The following FNBP1 variants were observed in gnomAD, a reference collection of about 807,000 sequenced individuals.
FNBP1 encodes formin binding protein 1.
A neutral mutation model predicts 90.6 loss-of-function variants in FNBP1; 26 were observed. The ratio of observed to expected loss-of-function variants is 0.29; its 90% confidence interval spans 0.21 to 0.40. FNBP1 has a LOEUF of 0.40. Among genes scored for constraint, FNBP1 ranks in the 10% least tolerant of loss-of-function variants. The pLI, the probability that FNBP1 is intolerant of heterozygous loss-of-function variation, is 1.00. For synonymous variants in FNBP1, 260 were observed against 265.2 expected (o/e 0.98, Z 0.19); for missense variants, 635 against 768.0 (o/e 0.83, Z 2.05).
At chr9:130,017,799 C>T (rs555197237) in intron 1 of FNBP1, among the ~76,000 whole-genome samples, 51 of 150,246 alleles carry the variant, frequency 3.4e-4, no homozygotes, top group African/African-American at 1.2e-3. Flanking sequence ...TACTGCACTC[C>T]AGCCCGGGTG....
rs578057349 is a variant in FNBP1 at position 129,991,805 on chromosome 9, G to A, written c.140+3038C>T. On this transcript the variant is annotated intron_variant, in intron 2 of 16. Transcript: ENST00000446176. ...CTCCCAAGTAGCTGGGACTACAGGCGCCCGCCACCATTTCCAGCTAATTTT... is the reference window on the plus strand; with the variant it reads ...CTCCCAAGTAGCTGGGACTACAGGCACCCGCCACCATTTCCAGCTAATTTT... Among the ~76,000 whole-genome samples the A allele has an allele frequency of 1.1e-4, 17 of 151,762 alleles. No individual in the cohort carries two copies. The East Asian group carries it at 1.2e-3, about 10-fold the overall frequency.
intron 1 of FNBP1, among the ~76,000 whole-genome samples, chr9:130,036,386 T>C (rs1034995915): frequency 1.3e-5 from 2 of 152,210 alleles, no homozygotes; most frequent in Admixed American, 6.5e-5. Context: ...TGTGTTCACA[T>C]AGTAAGTATA....
At chr9:129,941,078 C>T (rs2044248575) in intron 6 of FNBP1, among the ~76,000 whole-genome samples, 2 of 152,100 alleles carry the variant, frequency 1.3e-5, no homozygotes, top group Non-Finnish European at 2.9e-5. Context: ...AAAATATCTA[C>T]AAAGAAATGC....
At chr9:129,922,344 C>T (rs1251918674) in intron 10 of FNBP1, among the ~76,000 whole-genome samples, 4 of 152,166 alleles carry the variant, frequency 2.6e-5, no homozygotes, top group East Asian at 1.9e-4. Flanking sequence ...ATGAGGACAG[C>T]GGACTTCAAT....
chr9:129,965,817 GAGGAAGGAAGGA>G (rs1190159718), intron 4 of FNBP1, among the ~76,000 whole-genome samples: 15 of 99,444 alleles, frequency 1.5e-4, no homozygotes, highest in African/African-American at 5.7e-4. Flanking sequence ...GGGAGGGAGG[GAGGAAGGAAGGA>G]AGGAAGGAAG....
intron 1 of FNBP1, among the ~76,000 whole-genome samples, chr9:129,998,965 A>T (rs4837446): frequency 0.85 from 129,777 of 152,202 alleles, 55,617 homozygotes; most frequent in East Asian, 0.89. Context: ...CTTGTTTGTG[A>T]CTATAGCAGA....
chr9:130,018,499 A>G (rs1022040244), intron 1 of FNBP1, among the ~76,000 whole-genome samples: 2 of 152,160 alleles, frequency 1.3e-5, no homozygotes, highest in African/African-American at 4.8e-5. Flanking sequence ...CTTCCTTGCA[A>G]TAAAAGACTT....
At chr9:129,984,159 C>T (rs2051756037) in intron 2 of FNBP1, among the ~76,000 whole-genome samples, 1 of 151,548 alleles carries the variant, frequency 6.6e-6, no homozygotes, top group African/African-American at 2.4e-5. Context: ...TAAAGCTCAC[C>T]ACAAGATTTC....
rs756057004 is a variant in FNBP1, at chr9:129,890,503, C to A, written c.*36G>T. On this transcript the variant is annotated 3_prime_UTR_variant, in exon 17 of 17. Coordinates refer to ENST00000446176, the MANE Select transcript of FNBP1 (RefSeq NM_015033.3). The surrounding 1 kb of genome is among the most constrained non-coding windows in gnomAD (Gnocchi z 5.8). ...GGGAACAAGCAGACGGAGGCTCCTC[C>A]AGGAAGGCTCACCCGAGGCTCGCAG... 168 of 1,572,824 alleles carry A rather than the reference C, an allele frequency of 1.1e-4. No homozygotes were observed. Among genetic ancestry groups the A allele is most frequent in the Non-Finnish European group, 1.4e-4 (165 of 1,157,170 alleles).
At position 130,041,018 on chromosome 9, in the gene FNBP1, T is replaced by A. The variant is rs1234160124; in HGVS notation, c.24+1934A>T. Among the ~76,000 whole-genome samples the A allele has an allele frequency of 6.6e-6, 1 of 150,748 alleles. No individual in the cohort carries two copies. The highest frequency in any genetic ancestry group is 1.5e-5 in the Non-Finnish European group (1 of 67,718). On this transcript the variant is annotated intron_variant, in intron 1 of 16. Coordinates refer to ENST00000446176, the MANE Select transcript of FNBP1 (RefSeq NM_015033.3). This position sits in a 1 kb window ranked among gnomAD's most constrained non-coding sequence, Gnocchi z 4.3. ...TTTTTTCTTTTCTTTTTTTTTTTTT[T>A]AAGAGGAGGCCTCTCCAGATATTCC...
intron 1 of FNBP1, chr9:130,013,974 C>G (rs2056933644): frequency 2.2e-6 from 1 of 455,596 alleles, no homozygotes; most frequent in Admixed American, 2.4e-5. Context: ...TTATAAATTA[C>G]CCAGGTTGTG....
At chr9:129,925,744 C>T (rs925879580) in intron 8 of FNBP1, among the ~76,000 whole-genome samples, 9 of 150,422 alleles carry the variant, frequency 6.0e-5, no homozygotes, top group African/African-American at 2.2e-4. Flanking sequence ...CAGGCATGTG[C>T]CATCATGCCT....
chr9:130,004,379 G>C (rs2055342589), intron 1 of FNBP1, among the ~76,000 whole-genome samples: 1 of 152,182 alleles, frequency 6.6e-6, no homozygotes, highest in South Asian at 2.1e-4. Flanking sequence ...CTCCAGGAAA[G>C]GGGGTCCTGA....
At position 129,908,968 on chromosome 9, in the gene FNBP1, G is replaced by A. The variant is rs762654715; in HGVS notation, c.1217C>T (p.Pro406Leu). ...GATPEDFSNL[P>L]PEQRRKKLQQ... ...CAGCTTTTTCCTTCTTTGTTCAGGT[G>A]GGAGGTTGCTGAAATCCTCCGGTGT... Residue 406 changes from proline to leucine, a missense_variant, in exon 12 of 17, where the codon CCA becomes CTA. By Grantham distance (98) the Pro-to-Leu change is moderately conservative (BLOSUM62 -3). Coordinates refer to ENST00000446176, the MANE Select transcript of FNBP1 (RefSeq NM_015033.3). The A allele has an allele frequency of 6.2e-7, 1 of 1,613,510 alleles. No individual in the cohort carries two copies. Among genetic ancestry groups the A allele is most frequent in the South Asian group, 1.1e-5 (1 of 91,052 alleles).
intron 6 of FNBP1, among the ~76,000 whole-genome samples, chr9:129,939,092 C>T (rs1175602456): frequency 6.6e-6 from 1 of 152,104 alleles, no homozygotes; most frequent in Non-Finnish European, 1.5e-5. Flanking sequence ...ATTCTCCTGT[C>T]TCAGTCTCCC....
rs536375630 is a variant in FNBP1, at chr9:129,992,960, C to T, written c.140+1883G>A. Among the ~76,000 whole-genome samples the T allele has an allele frequency of 2.1e-4, 32 of 149,962 alleles. No homozygotes were observed. The East Asian group carries it at 5.9e-3, about 28-fold the overall frequency. ...AAGAAAAAAGGGCTGGGCACGGTGGCTCACGCCTGTAATCCCAGCACTTTG... is the reference window on the plus strand; with the variant it reads ...AAGAAAAAAGGGCTGGGCACGGTGGTTCACGCCTGTAATCCCAGCACTTTG... On this transcript the variant is annotated intron_variant, in intron 2 of 16. Coordinates refer to ENST00000446176, the MANE Select transcript of FNBP1 (RefSeq NM_015033.3).
intron 16 of FNBP1, among the ~76,000 whole-genome samples, chr9:129,892,628 A>G (rs1035958368): frequency 1.3e-5 from 2 of 152,224 alleles, no homozygotes; most frequent in African/African-American, 4.8e-5. Flanking sequence ...AAAATTATAT[A>G]AGTAGCTGAG....
At chr9:129,893,914 C>CAAAA (rs34164874) in intron 16 of FNBP1, among the ~76,000 whole-genome samples, 5 of 115,802 alleles carry the variant, frequency 4.3e-5, no homozygotes, top group African/African-American at 1.0e-4. Context: ...GACTCCATCT[C>CAAAA]AAAAAAAAAA....
upstream of FNBP1, among the ~76,000 whole-genome samples, chr9:130,044,457 C>A (rs1027258911): frequency 3.8e-5 from 2 of 52,474 alleles, no homozygotes; most frequent in Non-Finnish European, 1.0e-4. Context: ...GACCCTGTCT[C>A]TACAAAAAGA....
Sources: allele counts gnomAD v4.1 joint callset (sites outside exome capture counted in the v4.1 genomes callset), GRCh38; gene constraint gnomAD v4.1.1; non-coding constraint Gnocchi (gnomAD v3.1); transcripts MANE v1.5; gene names NCBI Gene and HGNC (gene_info 2026-07-23, HGNC 2026-07-21).